Variants in MAP3K9 observed in about 807,000 individuals in gnomAD.
MAP3K9 encodes mixed lineage kinase 1 (tyr and ser/thr specificity).
Under a neutral mutation model 95.8 loss-of-function variants are expected in MAP3K9, and 46 were observed. The observed-to-expected ratio is 0.48, with a 90% CI of 0.38 to 0.61. The LOEUF is 0.61. MAP3K9 is among the 20% of genes least tolerant of loss of function. The probability of loss-of-function intolerance (pLI) is 0.00; values close to 1 mark genes in which losing one functional copy is unlikely to be tolerated. For synonymous variants in MAP3K9, 533 were observed against 593.8 expected (o/e 0.90, Z 1.49); for missense variants, 1,296 against 1,474.3 (o/e 0.88, Z 1.98).
chr14:70,770,338 G>A (rs1054981154), intron 2 of MAP3K9, among the ~76,000 whole-genome samples: 7 of 151,860 alleles, frequency 4.6e-5, no homozygotes, highest in African/African-American at 1.7e-4. Context: ...ACACCAGGAC[G>A]CCCAGATACT....
intron 5 of MAP3K9, among the ~76,000 whole-genome samples, chr14:70,742,911 T>TATATATATA (rs2054094808): frequency 6.3e-5 from 9 of 143,106 alleles, no homozygotes; most frequent in African/African-American, 1.8e-4. Context: ...TTATATATAT[T>TATATATATA]TATATATATA....
chr14:70,763,924 G>A (rs1244782117), intron 2 of MAP3K9, among the ~76,000 whole-genome samples: 1 of 151,712 alleles, frequency 6.6e-6, no homozygotes, highest in Non-Finnish European at 1.5e-5. Context: ...GGTGGCTCAC[G>A]CCTGTAATCC....
At chr14:70,771,608 G>A (rs918169170) in intron 2 of MAP3K9, among the ~76,000 whole-genome samples, 2 of 152,040 alleles carry the variant, frequency 1.3e-5, no homozygotes, top group African/African-American at 2.4e-5. Flanking sequence ...CCTTCACCAG[G>A]CCCCCATTTC....
At chr14:70,758,087 A>T (rs1215716410) in intron 3 of MAP3K9, among the ~76,000 whole-genome samples, 1 of 152,234 alleles carries the variant, frequency 6.6e-6, no homozygotes, top group Non-Finnish European at 1.5e-5. Context: ...TTCAAAGAAC[A>T]GCCTTAAGAA....
intron 2 of MAP3K9, among the ~76,000 whole-genome samples, chr14:70,798,774 G>A (rs963562111): frequency 6.6e-6 from 1 of 151,984 alleles, no homozygotes; most frequent in Non-Finnish European, 1.5e-5. Flanking sequence ...CACCGCGCCC[G>A]GCCCAAAAGT....
At position 70,732,652 on chromosome 14, in the gene MAP3K9, G is replaced by T; in HGVS notation, c.2717C>A (p.Pro906His). The T allele has an allele frequency of 6.2e-7, 1 of 1,605,430 alleles. No individual in the cohort carries two copies. Among genetic ancestry groups the T allele is most frequent in the South Asian group, 1.1e-5 (1 of 89,680 alleles). ...CCGCCGGTGACTGCTGGGCTGCGAG[G>T]GGGTGGTGAGGGTGACATGGGTGGG... ...LTPTHVTLTT[P>H]SQPSSHRRTP... Residue 906 changes from proline (P) to histidine (H), a missense_variant, in exon 11 of 12, where the codon CCC becomes CAC. Pro to His is a moderately conservative substitution (Grantham distance 77). This residue lies in a region of MAP3K9 where 433 missense variants were observed against 441.4 expected (regional missense o/e 0.98). Transcript: ENST00000554752.
At position 70,730,467 on chromosome 14, in the gene MAP3K9, ACT is replaced by A; in HGVS notation, c.3226_3227del (p.Gln1077GlyfsTer20). ...TLLDLDAEGQ[S>X]QDSTVPLCRA... ...TGCACAGCGGCACGGTGCTGTCCTGACTCTGCCCCTCTGCATCCAGGTCCAGG... is the reference window on the plus strand; with the variant it reads ...TGCACAGCGGCACGGTGCTGTCCTGACTGCCCCTCTGCATCCAGGTCCAGG... On this transcript the variant is annotated frameshift_variant, in exon 12 of 12. Transcript: ENST00000554752. LOFTEE classifies it high-confidence loss of function. 6.2e-7 allele frequency: 1 copy of A among 1,613,884 alleles called. No individual in the cohort carries two copies. The highest frequency in any genetic ancestry group is 1.3e-5 in the African/African-American group (1 of 74,976).
At chr14:70,760,646 G>A (rs1219428808) in intron 3 of MAP3K9, among the ~76,000 whole-genome samples, 1 of 152,140 alleles carries the variant, frequency 6.6e-6, no homozygotes, top group Admixed American at 6.6e-5. Flanking sequence ...TAGCATTGCT[G>A]AGCAAGCCAG....
intron 1 of MAP3K9, among the ~76,000 whole-genome samples, chr14:70,802,855 A>G (rs2054945709): frequency 6.6e-6 from 1 of 152,158 alleles, no homozygotes; most frequent in African/African-American, 2.4e-5. Flanking sequence ...GATCCTTGAA[A>G]TAAAATGGAA....
chr14:70,754,197 A>G (rs2054268164), intron 3 of MAP3K9, among the ~76,000 whole-genome samples: 1 of 152,222 alleles, frequency 6.6e-6, no homozygotes, highest in African/African-American at 2.4e-5. Flanking sequence ...ATGATGATGT[A>G]TTTATTAACA....
chr14:70,734,416 G>T lies in MAP3K9; in HGVS notation c.1996C>A (p.Leu666Met). The T allele has an allele frequency of 6.2e-7, 1 of 1,614,090 alleles. No individual in the cohort carries two copies. Among genetic ancestry groups the T allele is most frequent in the South Asian group, 1.1e-5 (1 of 91,082 alleles). Residue 666 changes from leucine to methionine, a missense_variant, in exon 10 of 12, where the codon CTG (leucine) becomes ATG (methionine). This residue lies in a region of MAP3K9 where 377 missense variants were observed against 417.1 expected (regional missense o/e 0.90). Coordinates refer to ENST00000554752, the MANE Select transcript of MAP3K9 (RefSeq NM_001284230.2). Reference sequence around the variant, plus strand: ...TCCATAAGGCTGGTGAACCCTGGCAGGGCCGGGCTACTCCTTGGGCCCTTC... The same window carrying T: ...TCCATAAGGCTGGTGAACCCTGGCATGGCCGGGCTACTCCTTGGGCCCTTC... ...LVKGPRSSPA[L>M]PGFTSLMEME...
At chr14:70,806,549 C>T (rs2054992017) in intron 1 of MAP3K9, among the ~76,000 whole-genome samples, 1 of 152,218 alleles carries the variant, frequency 6.6e-6, no homozygotes, top group South Asian at 2.1e-4. Flanking sequence ...TTCCTACTTT[C>T]TCAACATCTG....
intron 2 of MAP3K9, among the ~76,000 whole-genome samples, chr14:70,766,780 C>G (rs964785412): frequency 6.6e-6 from 1 of 152,174 alleles, no homozygotes; most frequent in African/African-American, 2.4e-5. Context: ...CCATGCCGTA[C>G]AGAGGCCAGA....
At chr14:70,769,419 A>G (rs1020641359) in intron 2 of MAP3K9, among the ~76,000 whole-genome samples, 3 of 152,182 alleles carry the variant, frequency 2.0e-5, no homozygotes, top group African/African-American at 7.2e-5. Flanking sequence ...ACACATCTCT[A>G]AATAAGATAA....
Position 70,725,505 on chromosome 14 carries a change from T to G in MAP3K9, c.*4875A>C, listed in dbSNP as rs1320022720. 1.3e-5 allele frequency: 2 copies of G among 152,152 alleles called. No individual in the cohort carries two copies. Among genetic ancestry groups the G allele is most frequent in the Non-Finnish European group, 2.9e-5 (2 of 68,024 alleles). 9.4% of individuals were successfully genotyped at this position (152,152 alleles called of 1,614,324 possible). On this transcript the variant is annotated 3_prime_UTR_variant, in exon 12 of 12. Coordinates refer to ENST00000554752, the MANE Select transcript of MAP3K9 (RefSeq NM_001284230.2). ...AATCGGCAGGATTTCAGCTTCCTCCTCCTGCCTTCCAACACCAGCACCTGA... is the reference window on the plus strand; with the variant it reads ...AATCGGCAGGATTTCAGCTTCCTCCGCCTGCCTTCCAACACCAGCACCTGA...
chr14:70,773,900 C>T (rs531476546), intron 2 of MAP3K9, among the ~76,000 whole-genome samples: 1 of 152,316 alleles, frequency 6.6e-6, no homozygotes, highest in South Asian at 2.1e-4. Flanking sequence ...CTATTTCTCA[C>T]AGCTAATCTA....
chr14:70,808,733 C>A, intron 1 of MAP3K9, 33 bp downstream of exon 1: 1 of 1,036,622 alleles, frequency 9.6e-7, no homozygotes, highest in Non-Finnish European at 1.3e-6. Flanking sequence ...CTCCGTCATT[C>A]CCCCTCCCCG....
At chr14:70,791,748 T>C (rs2054809672) in intron 2 of MAP3K9, among the ~76,000 whole-genome samples, 1 of 152,246 alleles carries the variant, frequency 6.6e-6, no homozygotes, top group Non-Finnish European at 1.5e-5. Flanking sequence ...TTATCAGCCA[T>C]GCTCATGGTA....
intron 1 of MAP3K9, among the ~76,000 whole-genome samples, chr14:70,801,364 T>C (rs1044376252): frequency 1.3e-5 from 2 of 152,228 alleles, no homozygotes; most frequent in African/African-American, 4.8e-5. Flanking sequence ...AACCAACTAT[T>C]GTCACTAAAG....
Sources: allele counts gnomAD v4.1 joint callset (sites outside exome capture counted in the v4.1 genomes callset), GRCh38; gene constraint gnomAD v4.1.1; regional missense constraint gnomAD v4.1.1; transcripts MANE v1.5; gene names NCBI Gene and HGNC (gene_info 2026-07-23, HGNC 2026-07-21).